Variants in MDGA2 observed in about 807,000 individuals in gnomAD.
MDGA2 encodes MAM domain-containing glycosylphosphatidylinositol anchor protein 2.
In MDGA2, 40 loss-of-function variants were observed where a neutral mutation model predicts 117.8. That is an observed-to-expected ratio of 0.34 (90% CI 0.26 to 0.44). The LOEUF is 0.44. Ranked by LOEUF, MDGA2 falls within the 20% of genes least tolerant of loss-of-function variation. The probability of loss-of-function intolerance (pLI) is 1.00; values close to 1 mark genes in which losing one functional copy is unlikely to be tolerated. For synonymous variants in MDGA2, 452 were observed against 439.0 expected (o/e 1.03, Z -0.37); for missense variants, 1,123 against 1,250.6 (o/e 0.90, Z 1.54).
chr14:47,130,980 C>T (rs1172169643), intron 5 of MDGA2, among the ~76,000 whole-genome samples: 4 of 152,036 alleles, frequency 2.6e-5, no homozygotes, highest in African/African-American at 9.7e-5. Context: ...AACAAACCTG[C>T]ACGTTGTGCA....
chr14:47,223,734 T>C (rs12887507), intron 2 of MDGA2, among the ~76,000 whole-genome samples: 2 of 152,190 alleles, frequency 1.3e-5, no homozygotes, highest in Non-Finnish European at 2.9e-5. Context: ...TATTAGTCCG[T>C]TCTCATGCTG....
chr14:47,252,713 A>G (rs1054067314), intron 2 of MDGA2, among the ~76,000 whole-genome samples: 8 of 152,246 alleles, frequency 5.3e-5, no homozygotes, highest in African/African-American at 1.7e-4. Flanking sequence ...TCTGTATGTT[A>G]GAATACAGCA....
At chr14:47,571,663 C>T (rs988540467) in intron 1 of MDGA2, among the ~76,000 whole-genome samples, 4 of 148,830 alleles carry the variant, frequency 2.7e-5, no homozygotes, top group African/African-American at 7.5e-5. Context: ...AACAGAAAAC[C>T]AAACACTGCA....
Position 47,541,439 on chromosome 14 carries a change from G to C in MDGA2, c.280+133078C>G, listed in dbSNP as rs143919308. ...TTGGGGTATATTAATTTAATTCCTC[G>C]TTTGGTTTCTAAATTTACCCTTTCT... On this transcript the variant is annotated intron_variant, in intron 1 of 16. Coordinates refer to ENST00000399232, the MANE Select transcript of MDGA2 (RefSeq NM_001113498.3). Among the ~76,000 whole-genome samples, 806 of 152,226 alleles carry C rather than the reference G, an allele frequency of 5.3e-3. 8 individuals are homozygous for C. Among genetic ancestry groups the C allele is most frequent in the African/African-American group, 0.018 (768 of 41,522 alleles).
intron 1 of MDGA2, among the ~76,000 whole-genome samples, chr14:47,319,914 C>A (rs1436446724): frequency 1.3e-5 from 2 of 152,058 alleles, no homozygotes; most frequent in Admixed American, 6.6e-5. Flanking sequence ...GAATTGAAAT[C>A]TTTAGAGTGG....
chr14:46,856,564 T>A (rs1307290965), intron 14 of MDGA2, among the ~76,000 whole-genome samples: 1 of 152,086 alleles, frequency 6.6e-6, no homozygotes, highest in Non-Finnish European at 1.5e-5. Context: ...ATTATATAAT[T>A]TTTGTGTGTT....
At chr14:47,296,241 G>GA (rs976734582) in intron 2 of MDGA2, among the ~76,000 whole-genome samples, 20 of 149,760 alleles carry the variant, frequency 1.3e-4, no homozygotes, top group Non-Finnish European at 2.2e-4. Context: ...TAAGCTGTTA[G>GA]AAAAAAAAAT....
At chr14:47,567,042 C>G (rs1895932999) in intron 1 of MDGA2, among the ~76,000 whole-genome samples, 1 of 151,924 alleles carries the variant, frequency 6.6e-6, no homozygotes, top group South Asian at 2.1e-4. Flanking sequence ...GTAAATCAGA[C>G]TACAGGCATG....
intron 1 of MDGA2, among the ~76,000 whole-genome samples, chr14:47,607,599 A>G (rs1896764715): frequency 6.6e-6 from 1 of 152,096 alleles, no homozygotes; most frequent in South Asian, 2.1e-4. Context: ...CAAGTCAATG[A>G]GCTGAATTTT....
At chr14:47,145,764 A>T (rs1882918378) in intron 3 of MDGA2, among the ~76,000 whole-genome samples, 1 of 152,178 alleles carries the variant, frequency 6.6e-6, no homozygotes, top group Non-Finnish European at 1.5e-5. Flanking sequence ...TTGGTGCAAA[A>T]GTAATTTCAG....
chr14:46,933,221 T>A (rs1884645628), intron 9 of MDGA2, among the ~76,000 whole-genome samples: 1 of 152,056 alleles, frequency 6.6e-6, no homozygotes, highest in African/African-American at 2.4e-5. Flanking sequence ...GTTCATGTCA[T>A]TTGAGTAGAG....
chr14:47,161,345 G>C (rs1299425552), intron 3 of MDGA2, among the ~76,000 whole-genome samples: 1 of 151,870 alleles, frequency 6.6e-6, no homozygotes, highest in Non-Finnish European at 1.5e-5. Context: ...CTTCTAAATG[G>C]TATATAATTT....
At chr14:47,620,509 A>G (rs1897029958) in intron 1 of MDGA2, among the ~76,000 whole-genome samples, 1 of 152,240 alleles carries the variant, frequency 6.6e-6, no homozygotes, top group Non-Finnish European at 1.5e-5. Context: ...TATATTGTAG[A>G]TGCGTACAAA....
chr14:47,253,607 C>T (rs1887518719), intron 2 of MDGA2, among the ~76,000 whole-genome samples: 2 of 152,260 alleles, frequency 1.3e-5, no homozygotes, highest in African/African-American at 2.4e-5. Context: ...GAACAGATCC[C>T]TCCAGGCTGC....
intron 1 of MDGA2, among the ~76,000 whole-genome samples, chr14:47,648,188 G>A (rs1478510795): frequency 2.0e-5 from 3 of 152,138 alleles, no homozygotes; most frequent in Admixed American, 1.3e-4. Context: ...ATTGTCAAGT[G>A]AGACACTTCT....
intron 2 of MDGA2, among the ~76,000 whole-genome samples, chr14:47,235,405 G>T (rs996622961): frequency 6.6e-6 from 1 of 152,140 alleles, no homozygotes; most frequent in Non-Finnish European, 1.5e-5. Flanking sequence ...ACTCATCCTC[G>T]AAAGAATAAT....
intron 2 of MDGA2, among the ~76,000 whole-genome samples, chr14:47,258,412 T>C (rs897565840): frequency 1.6e-4 from 24 of 151,888 alleles, no homozygotes; most frequent in African/African-American, 5.6e-4. Context: ...AAGGGGGAGA[T>C]GCTACACACT....
intron 1 of MDGA2, among the ~76,000 whole-genome samples, chr14:47,303,131 C>G (rs935557424): frequency 1.8e-4 from 28 of 152,084 alleles, no homozygotes; most frequent in Non-Finnish European, 1.3e-4. Context: ...TGTTCAGAGA[C>G]CTGATATATC....
intron 1 of MDGA2, among the ~76,000 whole-genome samples, chr14:47,497,839 C>G (rs1894315136): frequency 6.6e-6 from 1 of 151,978 alleles, no homozygotes; most frequent in Non-Finnish European, 1.5e-5. Flanking sequence ...TTGTGATTAT[C>G]TATAATCTAA....
Sources: gnomAD v4.1 joint callset for allele counts (sites outside exome capture counted in the v4.1 genomes callset) on GRCh38, gnomAD v4.1.1 for gene constraint, MANE v1.5 for transcripts, NCBI Gene and HGNC (gene_info 2026-07-23, HGNC 2026-07-21) for gene names.